SORCS1: variants seen among roughly 807,000 people sequenced by gnomAD.
SORCS1 encodes the protein VPS10 domain-containing receptor SorCS1.
SORCS1 carries 60 observed loss-of-function variants against 146.1 expected under a neutral mutation model. The observed-to-expected ratio is 0.41, with a 90% CI of 0.33 to 0.51. The LOEUF (loss-of-function observed/expected upper bound fraction) is 0.51, where lower values mean the gene tolerates loss of function less well. SORCS1 is among the 20% of genes least tolerant of loss of function. The pLI is 0.21. For synonymous variants in SORCS1, 637 were observed against 584.0 expected, an observed-to-expected ratio of 1.09 and a Z score of -1.31; for missense variants, 1,352 against 1,487.6, an observed-to-expected ratio of 0.91 and a Z score of 1.50.
chr10:106,813,260 A>G (rs553030054), intron 3 of SORCS1, among the ~76,000 whole-genome samples: 25 of 150,932 alleles, frequency 1.7e-4, no homozygotes, highest in Admixed American at 3.3e-4. Context: ...AGCCTCCTGA[A>G]TAGCTGAAAT....
At chr10:106,975,278 T>C (rs570848680) in intron 1 of SORCS1, among the ~76,000 whole-genome samples, 39 of 152,242 alleles carry the variant, frequency 2.6e-4, no homozygotes, top group Non-Finnish European at 4.6e-4. Flanking sequence ...GCCAACATTT[T>C]GCTGAAAGCT....
chr10:106,616,807 T>C (rs1055966359), intron 21 of SORCS1, among the ~76,000 whole-genome samples: 15 of 152,216 alleles, frequency 9.9e-5, no homozygotes, highest in Admixed American at 3.9e-4. Context: ...GAAGGTCAAG[T>C]TGGCAAGATG....
chr10:106,883,974 T>G (rs550510090), intron 2 of SORCS1, among the ~76,000 whole-genome samples: 3 of 152,174 alleles, frequency 2.0e-5, no homozygotes, highest in African/African-American at 7.2e-5. Flanking sequence ...GCCAATAGAT[T>G]GTTATTTTTT....
chr10:106,937,972 GAAA>G lies in SORCS1; in HGVS notation c.626+18538_626+18540del, dbSNP rs76116094. On this transcript the variant is annotated intron_variant, in intron 2 of 25. Transcript: ENST00000263054. ...GAGCAAGACTCTGTCTCAAAAAGAAGAAAAAAAAAAAAAAAAAAGAAAGAAAGG... is the reference window on the plus strand; with the variant it reads ...GAGCAAGACTCTGTCTCAAAAAGAAGAAAAAAAAAAAAAAAGAAAGAAAGG... Among the ~76,000 whole-genome samples, 594 of 129,136 alleles carry G rather than the reference GAAA, an allele frequency of 4.6e-3. 5 individuals are homozygous for G. Among genetic ancestry groups the G allele is most frequent in the African/African-American group, 1.0e-2 (330 of 33,150 alleles). 84.7% of individuals were successfully genotyped at this position (129,136 alleles called of 152,430 possible). A position where few individuals can be genotyped will look rare whatever the true frequency, so the allele number is the denominator to read the frequency against.
chr10:106,821,004 G>C (rs1292189600), intron 3 of SORCS1, among the ~76,000 whole-genome samples: 2 of 152,156 alleles, frequency 1.3e-5, no homozygotes, highest in Non-Finnish European at 2.9e-5. Context: ...CAGATGATGA[G>C]ACAAAAATAA....
At chr10:106,849,572 T>C (rs1949456826) in intron 2 of SORCS1, among the ~76,000 whole-genome samples, 1 of 151,420 alleles carries the variant, frequency 6.6e-6, no homozygotes, top group African/African-American at 2.4e-5. Flanking sequence ...GTCTGAAGCC[T>C]TCCTCTCTCA....
At chr10:106,972,234 T>G (rs768138425) in intron 1 of SORCS1, among the ~76,000 whole-genome samples, 7 of 151,782 alleles carry the variant, frequency 4.6e-5, no homozygotes, top group Non-Finnish European at 1.0e-4. Context: ...ATACAAAAAT[T>G]AGCCGGGCAT....
chr10:106,611,532 A>G (rs1846987848), intron 22 of SORCS1, among the ~76,000 whole-genome samples: 1 of 152,218 alleles, frequency 6.6e-6, no homozygotes, highest in African/African-American at 2.4e-5. Context: ...GGACACTTAC[A>G]TGCTGAGTTC....
chr10:106,845,733 T>C (rs1351723318), intron 2 of SORCS1, among the ~76,000 whole-genome samples: 1 of 75,088 alleles, frequency 1.3e-5, no homozygotes, highest in East Asian at 3.5e-4. Context: ...ATTTAAATCT[T>C]TAATCCATCT....
intron 3 of SORCS1, among the ~76,000 whole-genome samples, chr10:106,795,961 T>A (rs764321237): frequency 6.6e-6 from 1 of 152,188 alleles, no homozygotes; most frequent in Non-Finnish European, 1.5e-5. Flanking sequence ...ATCTTCCAGT[T>A]CAAACATCAT....
intron 1 of SORCS1, among the ~76,000 whole-genome samples, chr10:107,073,894 T>G (rs1962655398): frequency 6.6e-6 from 1 of 152,164 alleles, no homozygotes; most frequent in South Asian, 2.1e-4. Flanking sequence ...AACATAGAAT[T>G]TATTTTTTAG....
At chr10:106,643,377 T>G (rs564192604) in intron 18 of SORCS1, among the ~76,000 whole-genome samples, 1 of 152,244 alleles carries the variant, frequency 6.6e-6, no homozygotes, top group South Asian at 2.1e-4. Context: ...CTCTTCATTC[T>G]GCATTGCCAA....
chr10:106,926,828 TAC>T (rs869163147), intron 2 of SORCS1, among the ~76,000 whole-genome samples: 13 of 29,580 alleles, frequency 4.4e-4, no homozygotes, highest in East Asian at 7.3e-4. Flanking sequence ...GGAATATATA[TAC>T]ACACACACAC....
At chr10:106,897,099 T>G (rs1451034558) in intron 2 of SORCS1, among the ~76,000 whole-genome samples, 1 of 152,064 alleles carries the variant, frequency 6.6e-6, no homozygotes, top group Non-Finnish European at 1.5e-5. Context: ...TTCACTGTGG[T>G]CTTGATCTCC....
chr10:106,852,985 T>C (rs146148547), intron 2 of SORCS1, among the ~76,000 whole-genome samples: 3 of 152,318 alleles, frequency 2.0e-5, no homozygotes, highest in East Asian at 1.9e-4. Flanking sequence ...ACCAGCATCA[T>C]GAAATGAGCT....
chr10:106,652,743 G>C (rs1348025403), intron 17 of SORCS1, among the ~76,000 whole-genome samples, 190 bp from the exon 18 acceptor site: 1 of 152,124 alleles, frequency 6.6e-6, no homozygotes, highest in African/African-American at 2.4e-5. Context: ...GTCACACATT[G>C]TATCTATTAC....
chr10:106,807,524 G>A (rs1403965186), intron 3 of SORCS1, among the ~76,000 whole-genome samples: 1 of 152,108 alleles, frequency 6.6e-6, no homozygotes, highest in Non-Finnish European at 1.5e-5. Context: ...GGTGATTTCT[G>A]GCTGTGGTTT....
At chr10:106,916,368 A>G (rs1206299332) in intron 2 of SORCS1, among the ~76,000 whole-genome samples, 2 of 151,462 alleles carry the variant, frequency 1.3e-5, no homozygotes, top group Non-Finnish European at 2.9e-5. Flanking sequence ...CCATTATACT[A>G]TTGGCTATTC....
chr10:107,066,107 T>C (rs1961824126), intron 1 of SORCS1, among the ~76,000 whole-genome samples: 1 of 152,200 alleles, frequency 6.6e-6, no homozygotes, highest in African/African-American at 2.4e-5. Context: ...ACTAATATTT[T>C]TATGACTTTT....
Sources: gnomAD v4.1 joint callset for allele counts (sites outside exome capture counted in the v4.1 genomes callset) on GRCh38, gnomAD v4.1.1 for gene constraint, MANE v1.5 for transcripts, NCBI Gene and HGNC (gene_info 2026-07-23, HGNC 2026-07-21) for gene names.